The following HDAC6 variants were observed in gnomAD, a reference collection of about 807,000 sequenced individuals.
HDAC6 encodes the protein protein deacetylase HDAC6.
In HDAC6, 5 loss-of-function variants were observed where a neutral mutation model predicts 88.9. That is an observed-to-expected ratio of 0.06 (90% CI 0.03 to 0.12). HDAC6 has a LOEUF of 0.12. Ranked by LOEUF, HDAC6 falls within the 10% of genes least tolerant of loss-of-function variation. HDAC6 has a pLI of 1.00. For missense variants in HDAC6, 706 were observed against 1,014.4 expected, an observed-to-expected ratio of 0.70 and a Z score of 4.13; for synonymous variants, 378 against 398.0, an observed-to-expected ratio of 0.95 and a Z score of 0.60.
intron 23 of HDAC6, 44 bp from the exon 24 acceptor site, chrX:48,822,576 A>T: frequency 9.6e-7 from 1 of 1,044,706 alleles, no homozygotes; most frequent in South Asian, 2.4e-5. Flanking sequence ...AAATTCCCCA[A>T]TGAACCCCCA....
chrX:48,819,766 A>G lies in HDAC6; in HGVS notation c.2188-340A>G, dbSNP rs150815975. ...CACTGTGTTAGCCAGGATGGTCTCA[A>G]TCTGACCTCATGATCTGCCCGCCTC... On this transcript the variant is annotated intron_variant, in intron 22 of 28. Coordinates refer to ENST00000334136, the MANE Select transcript of HDAC6 (RefSeq NM_006044.4). The G allele has an allele frequency of 9.5e-4, 290 of 304,183 alleles. 2 individuals carry two copies. The East Asian group carries it at 0.019, about 20-fold the overall frequency. 25.1% of individuals were successfully genotyped at this position (304,183 alleles called of 1,213,427 possible).
chrX:48,824,431 G>A (rs1246079779), intron 28 of HDAC6, 113 bp from the exon 29 acceptor site: 3 of 1,071,131 alleles, frequency 2.8e-6, no homozygotes, highest in South Asian at 4.0e-5. Context: ...GGCGGGGGCT[G>A]TGGGATAGTC....
intron 10 of HDAC6, among the ~76,000 whole-genome samples, chrX:48,811,620 G>A (rs1435970757): frequency 8.9e-6 from 1 of 111,901 alleles, no homozygotes; most frequent in Non-Finnish European, 1.9e-5. Flanking sequence ...ATGGGATCCT[G>A]CCAGATGTCA....
At chrX:48,810,661 T>G (rs2147348477) in intron 10 of HDAC6, 1 of 108,286 alleles carries the variant, frequency 9.2e-6, no homozygotes, top group East Asian at 2.9e-4. Context: ...CAGACTGGAG[T>G]ACAGTGGCAC....
chrX:48,820,442 C>T (rs2063062432), intron 23 of HDAC6, among the ~76,000 whole-genome samples, 187 bp downstream of exon 23: 1 of 112,538 alleles, frequency 8.9e-6, no homozygotes, highest in South Asian at 3.7e-4. Flanking sequence ...ATGTGCAGAG[C>T]ACTCTTCTGA....
At chrX:48,805,568 C>A in intron 5 of HDAC6, 46 bp downstream of exon 5, 2 of 1,184,946 alleles carry the variant, frequency 1.7e-6, no homozygotes, top group Non-Finnish European at 2.3e-6. Context: ...AGGGAGCTGA[C>A]CTGACCTGGG....
chrX:48,817,828 A>G (rs2063013369), intron 20 of HDAC6: 2 of 439,356 alleles, frequency 4.6e-6, no homozygotes, highest in Non-Finnish European at 7.9e-6. Flanking sequence ...GTTCCCTAGC[A>G]ATGACCCAGA....
chrX:48,806,873 C>T, intron 8 of HDAC6, 167 bp downstream of exon 8: 3 of 388,679 alleles, frequency 7.7e-6, no homozygotes, highest in Non-Finnish European at 1.3e-5. Flanking sequence ...ACACCTGCCT[C>T]CTCTCATGGG....
intron 12 of HDAC6, 41 bp downstream of exon 12, chrX:48,814,781 T>C: frequency 8.3e-7 from 1 of 1,209,208 alleles, no homozygotes; most frequent in Non-Finnish European, 1.1e-6. Context: ...GGAGTGGCCT[T>C]GAAGGTTAGG....
At chrX:48,809,277 T>A (rs2062862878) in intron 10 of HDAC6, among the ~76,000 whole-genome samples, 1 of 111,874 alleles carries the variant, frequency 8.9e-6, no homozygotes, top group Non-Finnish European at 1.9e-5. Context: ...CAGCTTACCC[T>A]TCCTGCAGAA....
intron 6 of HDAC6, 57 bp downstream of exon 6, chrX:48,805,728 G>A: frequency 2.0e-6 from 2 of 1,018,333 alleles, no homozygotes; most frequent in Non-Finnish European, 2.7e-6. Flanking sequence ...ACAAACCAGG[G>A]CAAGCTAAAC....
At position 48,822,610 on chromosome X, in the gene HDAC6, C is replaced by CT. The variant is rs782512413; in HGVS notation, c.2338-8dup. 3.0e-5 allele frequency: 35 copies of CT among 1,150,308 alleles called. No individual in the cohort carries two copies. In the South Asian group the frequency reaches 6.7e-4, roughly 22 times the overall value. The allele number at this position is 1,150,308 out of a possible 1,213,427, so 94.8% of individuals were successfully genotyped here. On this transcript the variant is annotated splice_polypyrimidine_tract_variant and intron_variant, in intron 23 of 28. Coordinates refer to ENST00000334136, the MANE Select transcript of HDAC6 (RefSeq NM_006044.4). ...CACCATACCTTTCCCTCCCCTTTTCCTTAACAAAGGGTGGCTATAACCTGA... is the reference window on the plus strand; with the variant it reads ...CACCATACCTTTCCCTCCCCTTTTCCTTTAACAAAGGGTGGCTATAACCTGA...
chrX:48,814,308 TAATG>T (rs2062946927), intron 10 of HDAC6, 128 bp from the exon 11 acceptor site: 14 of 613,345 alleles, frequency 2.3e-5, no homozygotes, highest in Non-Finnish European at 3.3e-5. Context: ...ATGGGGAAAT[TAATG>T]AATGAGAGAA....
At chrX:48,812,302 C>T (rs1201045323) in intron 10 of HDAC6, among the ~76,000 whole-genome samples, 2 of 112,674 alleles carry the variant, frequency 1.8e-5, no homozygotes, top group Non-Finnish European at 3.8e-5. Context: ...TCCCAGCTCC[C>T]CATCTCTCAG....
intron 8 of HDAC6, 138 bp downstream of exon 8, chrX:48,806,844 T>C: frequency 2.3e-6 from 1 of 427,477 alleles, no homozygotes. Flanking sequence ...AAAATCTGTC[T>C]CCCATCCTTG....
upstream of HDAC6, chrX:48,801,928 G>A (rs1557022429): frequency 1.1e-5 from 11 of 972,097 alleles, no homozygotes; most frequent in Non-Finnish European, 1.5e-5. Context: ...AAGGGGCTGC[G>A]TCCAATGAGT....
chrX:48,816,743 GCCAT>G, intron 19 of HDAC6, 110 bp downstream of exon 19: 2 of 628,743 alleles, frequency 3.2e-6, no homozygotes, highest in Admixed American at 4.1e-5. Context: ...GAGGAAAGGG[GCCAT>G]GGGGAGGGGC....
chrX:48,819,248 TGTGTGTGTACATGACTA>T, intron 22 of HDAC6, among the ~76,000 whole-genome samples: 1 of 112,240 alleles, frequency 8.9e-6, no homozygotes, highest in East Asian at 2.8e-4. Flanking sequence ...TGAGAAACTG[TGTGTGTGTACATGACTA>T]GTGCAGATAT....
At chrX:48,814,147 G>T in intron 10 of HDAC6, 1 of 303,817 alleles carries the variant, frequency 3.3e-6, no homozygotes. Context: ...GATGTTTGCT[G>T]AGGGAGAGGT....
Sources: allele counts gnomAD v4.1 joint callset (sites outside exome capture counted in the v4.1 genomes callset), GRCh38; gene constraint gnomAD v4.1.1; transcripts MANE v1.5; gene names NCBI Gene and HGNC (gene_info 2026-07-23, HGNC 2026-07-21).